The following CSNK1E variants were observed in gnomAD, a reference collection of about 807,000 sequenced individuals.
CSNK1E encodes the protein casein kinase 1 epsilon.
A neutral mutation model predicts 46.1 loss-of-function variants in CSNK1E; 17 were observed. That is an observed-to-expected ratio of 0.37 (90% CI 0.25 to 0.55). CSNK1E has a LOEUF of 0.55. CSNK1E is among the 20% of genes least tolerant of loss of function. CSNK1E has a pLI of 0.82. For synonymous variants in CSNK1E, 241 were observed against 242.6 expected, an observed-to-expected ratio of 0.99 and a Z score of 0.06; for missense variants, 386 against 595.4, an observed-to-expected ratio of 0.65 and a Z score of 3.66.
chr22:38,312,540 G>A (rs558701760), intron 2 of CSNK1E, among the ~76,000 whole-genome samples: 8 of 152,236 alleles, frequency 5.3e-5, no homozygotes, highest in East Asian at 1.9e-4. Flanking sequence ...CTGCCTCCCC[G>A]GGAGTAGCTT....
At chr22:38,295,091 C>T (rs1228722076) in intron 7 of CSNK1E, among the ~76,000 whole-genome samples, 1 of 152,182 alleles carries the variant, frequency 6.6e-6, no homozygotes, top group African/African-American at 2.4e-5. Context: ...GCTGTCCTTC[C>T]CCCTGCCGGG....
chr22:38,295,953 C>T (rs780784715), intron 7 of CSNK1E, among the ~76,000 whole-genome samples: 19 of 152,256 alleles, frequency 1.2e-4, no homozygotes, highest in Non-Finnish European at 2.5e-4. Context: ...GTGGCACCTC[C>T]GTGCCGAACC....
chr22:38,296,836 A>G, intron 7 of CSNK1E: 1 of 914,180 alleles, frequency 1.1e-6, no homozygotes. Flanking sequence ...GGGCAGTGGC[A>G]TGATCTCAGC....
intron 6 of CSNK1E, among the ~76,000 whole-genome samples, 183 bp downstream of exon 6, chr22:38,299,712 G>A (rs1477845043): frequency 6.6e-6 from 1 of 152,232 alleles, no homozygotes; most frequent in Non-Finnish European, 1.5e-5. Context: ...GTTTCACCAT[G>A]TTACTCAGGC....
At chr22:38,304,088 T>G (rs952895599) in intron 2 of CSNK1E, among the ~76,000 whole-genome samples, 2 of 152,062 alleles carry the variant, frequency 1.3e-5, no homozygotes, top group Non-Finnish European at 2.9e-5. Flanking sequence ...CCTGGCTGTA[T>G]GGGTGGATGA....
chr22:38,314,233 C>T, intron 1 of CSNK1E, 64 bp from the exon 2 acceptor site: 1 of 1,333,708 alleles, frequency 7.5e-7, no homozygotes, highest in South Asian at 1.2e-5. Flanking sequence ...GTCCAGTCCA[C>T]CAAGGCCAGG....
chr22:38,291,376 G>A lies in CSNK1E; in HGVS notation c.*595C>T, dbSNP rs117771670. The A allele has an allele frequency of 9.7e-4, 148 of 152,220 alleles. No individual in the cohort carries two copies. The East Asian group carries it at 0.026, about 26-fold the overall frequency. The allele number at this position is 152,220 out of a possible 1,614,324, so 9.4% of individuals were successfully genotyped here. A position where few individuals can be genotyped will look rare whatever the true frequency, so the allele number is the denominator to read the frequency against. On this transcript the variant is annotated 3_prime_UTR_variant, in exon 11 of 11. Transcript: ENST00000396832. ...CACACACACACACGCAGGGGACGCC[G>A]GCCCCCACCACCTCCCCACCCACTC...
chr22:38,302,401 C>A (rs900154551), intron 4 of CSNK1E, among the ~76,000 whole-genome samples: 2 of 152,208 alleles, frequency 1.3e-5, no homozygotes, highest in African/African-American at 4.8e-5. Flanking sequence ...CAGGCAGAGT[C>A]CCAGGCCCTG....
intron 10 of CSNK1E, 185 bp downstream of exon 10, chr22:38,293,070 G>A (rs902667522): frequency 1.6e-6 from 1 of 608,642 alleles, no homozygotes; most frequent in Admixed American, 2.8e-5. Flanking sequence ...AGAAACCCTT[G>A]GCCCCAAGTC....
intron 6 of CSNK1E, among the ~76,000 whole-genome samples, chr22:38,299,191 C>T (rs1300859213): frequency 6.6e-6 from 1 of 152,228 alleles, no homozygotes; most frequent in Non-Finnish European, 1.5e-5. Context: ...GCCAGGTAGC[C>T]GGATCCAGGA....
At chr22:38,296,327 G>C (rs946899318) in intron 7 of CSNK1E, 2 of 1,336,338 alleles carry the variant, frequency 1.5e-6, no homozygotes, top group African/African-American at 3.0e-5. Flanking sequence ...CCGGCCAGCT[G>C]ACTGGACCTC....
At chr22:38,297,476 A>C (rs1280005275) in intron 7 of CSNK1E, 1 of 796,988 alleles carries the variant, frequency 1.3e-6, no homozygotes, top group East Asian at 6.7e-5. Flanking sequence ...TTAGTGAACA[A>C]GAAACCCAGA....
At position 38,294,722 on chromosome 22, in the gene CSNK1E, C is replaced by A. The variant is rs1026829555; in HGVS notation, c.886-188G>T. ...CACAGCACAGAGACACGAAGCCACA[C>A]AACCACCAGAGGAAGGAGAAAGCAG... On this transcript the variant is annotated intron_variant, in intron 7 of 10. Transcript: ENST00000396832. This position sits in a 1 kb window ranked among gnomAD's most constrained non-coding sequence, Gnocchi z 5.5. 6.6e-6 allele frequency among the ~76,000 whole-genome samples: 1 copy of A among 152,190 alleles called. No individual in the cohort carries two copies. The highest frequency in any genetic ancestry group is 2.4e-5 in the African/African-American group (1 of 41,450).
intron 4 of CSNK1E, 111 bp downstream of exon 4, chr22:38,302,750 C>A: frequency 1.6e-6 from 2 of 1,278,424 alleles, no homozygotes; most frequent in South Asian, 1.4e-5. Context: ...AGCCAGTGGA[C>A]AAGGTCCCCT....
intron 7 of CSNK1E, chr22:38,297,159 G>A: frequency 1.3e-6 from 1 of 778,812 alleles, no homozygotes; most frequent in Non-Finnish European, 2.4e-6. Context: ...TGTCCGTCTA[G>A]AGAATACAAA....
intron 2 of CSNK1E, among the ~76,000 whole-genome samples, chr22:38,307,281 T>C (rs2092702651): frequency 6.6e-6 from 1 of 152,172 alleles, no homozygotes; most frequent in South Asian, 2.1e-4. Flanking sequence ...ATTTAAAGTA[T>C]ATGGAGAAGG....
Position 38,297,127 on chromosome 22 carries a change from CA to C in CSNK1E, c.885+1658del. The C allele has an allele frequency of 3.9e-6, 3 of 778,920 alleles. No individual in the cohort carries two copies. The East Asian group carries it at 7.3e-5, about 19-fold the overall frequency. 48.3% of individuals were successfully genotyped at this position (778,920 alleles called of 1,614,324 possible). A position where few individuals can be genotyped will look rare whatever the true frequency, so the allele number is the denominator to read the frequency against. On this transcript the variant is annotated intron_variant, in intron 7 of 10. Coordinates refer to ENST00000396832, the MANE Select transcript of CSNK1E (RefSeq NM_152221.3). ...TCATTAAAAATGTGTCGCATGTGGC[CA>C]ATGGCTACCATCTTGGACAGTGTCC...
At position 38,299,898 on chromosome 22, in the gene CSNK1E, G is replaced by C; in HGVS notation, c.733C>G (p.Pro245Ala). The change falls in exon 6 of 11, where the codon CCC (proline) becomes GCC (alanine). Residue 245 changes from proline (P) to alanine (A), a missense_variant. Coordinates refer to ENST00000396832, the MANE Select transcript of CSNK1E (RefSeq NM_152221.3). ...CCCCTCCCACTGGGCTACTCACAGG[G>C]ATAGCCTTTGCAGAGGACCTCGATG... is the stretch of plus-strand genomic sequence containing the variant. ...TPIEVLCKGYPSEFSTYLNFC... is the reference protein window; with the variant it reads ...TPIEVLCKGYASEFSTYLNFC... 2 of 1,613,956 alleles carry C rather than the reference G, an allele frequency of 1.2e-6. No individual in the cohort carries two copies. Among genetic ancestry groups the C allele is most frequent in the Non-Finnish European group, 1.7e-6 (2 of 1,179,892 alleles).
intron 1 of CSNK1E, among the ~76,000 whole-genome samples, chr22:38,314,937 C>G (rs553522308): frequency 1.3e-5 from 2 of 152,340 alleles, no homozygotes; most frequent in African/African-American, 4.8e-5. Context: ...TCCGGACACC[C>G]TGTTCCTGGT....
Sources: gnomAD v4.1 joint callset for allele counts (sites outside exome capture counted in the v4.1 genomes callset) on GRCh38, gnomAD v4.1.1 for gene constraint, Gnocchi (gnomAD v3.1) non-coding constraint, MANE v1.5 for transcripts, NCBI Gene and HGNC (gene_info 2026-07-23, HGNC 2026-07-21) for gene names.